PCNX1: variants seen among roughly 807,000 people sequenced by gnomAD.
The protein encoded by PCNX1 is pecanex-like protein 1.
Under a neutral mutation model 242.2 loss-of-function variants are expected in PCNX1, and 78 were observed. The ratio of observed to expected loss-of-function variants is 0.32; its 90% CI spans 0.27 to 0.39. The LOEUF is 0.39. PCNX1 is among the 10% of genes least tolerant of loss of function. The pLI, the probability that PCNX1 is intolerant of heterozygous loss-of-function variation, is 1.00. For synonymous variants in PCNX1, 1,024 were observed against 1,032.9 expected (o/e 0.99, Z 0.17); for missense variants, 2,581 against 2,856.5 (o/e 0.90, Z 2.20).
intron 28 of PCNX1, among the ~76,000 whole-genome samples, chr14:71,085,044 A>G (rs1012892950): frequency 1.3e-5 from 2 of 152,162 alleles, no homozygotes; most frequent in African/African-American, 4.8e-5. Context: ...CTGGGCCAGA[A>G]TGCACTGTTC....
chr14:71,050,213 G>A (rs2060986472), intron 22 of PCNX1, among the ~76,000 whole-genome samples: 1 of 150,538 alleles, frequency 6.6e-6, no homozygotes, highest in Non-Finnish European at 1.5e-5. Flanking sequence ...GGGTACATGT[G>A]CACAATGTGC....
Position 71,109,305 on chromosome 14 carries a change from A to G in PCNX1, c.6745-147A>G, listed in dbSNP as rs2062705442. The G allele has an allele frequency of 5.0e-6, 4 of 800,426 alleles. No homozygotes were observed. In the Admixed American group the frequency reaches 8.7e-5, roughly 17 times the overall value. 49.6% of individuals were successfully genotyped at this position (800,426 alleles called of 1,614,324 possible). A position where few individuals can be genotyped will look rare whatever the true frequency, so the allele number is the denominator to read the frequency against. On this transcript the variant is annotated intron_variant, in intron 34 of 35. Transcript: ENST00000304743. The stretch of plus-strand genomic sequence containing the variant: ...TCTACCAGAGGGCTGAAAAGAATTC[A>G]AGATGTAGCTCTTAAGATTTTTTTT...
In PCNX1 at chr14:71,111,029, T is replaced by C. The variant is rs2062744848; in HGVS notation, c.*1094T>C. On this transcript the variant is annotated 3_prime_UTR_variant, in exon 36 of 36. Transcript: ENST00000304743. ...TAAAAGTATCCAAGTGGTGCAGTTA[T>C]TATTATATCCCTCTTTAATAATTTT... 1 of 151,406 alleles carries C rather than the reference T, an allele frequency of 6.6e-6. No homozygotes were observed. The highest frequency in any genetic ancestry group is 2.4e-5 in the African/African-American group (1 of 41,376). The allele number at this position is 151,406 out of a possible 1,614,324, so 9.4% of individuals were successfully genotyped here. A position where few individuals can be genotyped will look rare whatever the true frequency, so the allele number is the denominator to read the frequency against.
In PCNX1 at chr14:71,029,140, T is replaced by C. The variant is rs559915912; in HGVS notation, c.3558+349T>C. On this transcript the variant is annotated intron_variant, in intron 16 of 35. Transcript: ENST00000304743. ...AGAATTTAACTACTTTTCCTATTAG[T>C]TTTTTTAAACTTATAAAAACAAGTT... Among the ~76,000 whole-genome samples, 3 of 152,170 alleles carry C rather than the reference T, an allele frequency of 2.0e-5. No homozygotes were observed. The East Asian group carries it at 5.8e-4, about 29-fold the overall frequency.
chr14:71,074,800 A>G (rs1033079528), intron 27 of PCNX1, among the ~76,000 whole-genome samples: 1 of 152,120 alleles, frequency 6.6e-6, no homozygotes, highest in African/African-American at 2.4e-5. Flanking sequence ...GTAAAGGCCA[A>G]ACCCCTCGTT....
intron 16 of PCNX1, among the ~76,000 whole-genome samples, chr14:71,029,433 A>T (rs191947574): frequency 6.6e-6 from 1 of 152,274 alleles, no homozygotes; most frequent in East Asian, 1.9e-4. Context: ...TGACTCACAG[A>T]TCCTTCCTTG....
chr14:70,974,401 G>T (rs1214080593), intron 5 of PCNX1, among the ~76,000 whole-genome samples: 1 of 151,868 alleles, frequency 6.6e-6, no homozygotes, highest in African/African-American at 2.4e-5. Context: ...CCAAAGTGCT[G>T]GGATTACAGG....
chr14:71,104,922 CAAA>C (rs76844609), intron 32 of PCNX1, among the ~76,000 whole-genome samples: 2 of 142,876 alleles, frequency 1.4e-5, no homozygotes, highest in Non-Finnish European at 3.1e-5. Context: ...GACTCCGTCT[CAAA>C]AAAAAAAAAA....
intron 1 of PCNX1, among the ~76,000 whole-genome samples, chr14:70,911,769 G>A (rs1473618197): frequency 6.6e-6 from 1 of 152,118 alleles, no homozygotes; most frequent in African/African-American, 2.4e-5. Flanking sequence ...TTTACCTTCA[G>A]AATGGCCTTC....
rs917257953 is a variant in PCNX1 at position 70,988,560 on chromosome 14, G to A, written c.2312-7G>A. The A allele has an allele frequency of 6.2e-7, 1 of 1,613,330 alleles. No individual in the cohort carries two copies. Among genetic ancestry groups the A allele is most frequent in the African/African-American group, 1.3e-5 (1 of 74,904 alleles). ...CTCTTGTTTGACCTAAGTCTGTCTT[G>A]ATGCAGCAGCACAAGCCAGCGAGGA... On this transcript the variant is annotated splice_region_variant and splice_polypyrimidine_tract_variant and intron_variant, in intron 6 of 35. Transcript: ENST00000304743.
intron 28 of PCNX1, among the ~76,000 whole-genome samples, chr14:71,081,020 CTTA>C (rs2061840900): frequency 6.6e-6 from 1 of 152,008 alleles, no homozygotes; most frequent in Non-Finnish European, 1.5e-5. Context: ...ATAAATAGCT[CTTA>C]TTATTTTGAG....
At chr14:71,077,450 A>G (rs1365312900) in intron 28 of PCNX1, among the ~76,000 whole-genome samples, 1 of 152,212 alleles carries the variant, frequency 6.6e-6, no homozygotes, top group Non-Finnish European at 1.5e-5. Context: ...CATACCGACC[A>G]TCTTCACGTT....
chr14:71,010,666 C>T (rs1481594045), intron 9 of PCNX1, among the ~76,000 whole-genome samples: 1 of 152,104 alleles, frequency 6.6e-6, no homozygotes, highest in South Asian at 2.1e-4. Flanking sequence ...TCAAATTGCA[C>T]TTTGAAGCCT....
chr14:71,028,445 C>G (rs1302968383), intron 15 of PCNX1, among the ~76,000 whole-genome samples: 1 of 151,674 alleles, frequency 6.6e-6, no homozygotes, highest in Non-Finnish European at 1.5e-5. Context: ...AAAATTTTTT[C>G]TTGCTACATA....
intron 6 of PCNX1, among the ~76,000 whole-genome samples, chr14:70,981,803 TA>T (rs1347663099): frequency 6.6e-6 from 1 of 152,226 alleles, no homozygotes; most frequent in Non-Finnish European, 1.5e-5. Context: ...TTGGACCGTT[TA>T]AACTTATTTC....
rs1208666079 is a variant in PCNX1 at position 71,112,412 on chromosome 14, TTAGGAACCCTGAG to T, written c.*2478_*2490del. The T allele has an allele frequency of 1.3e-5, 2 of 152,116 alleles. No individual in the cohort carries two copies. The highest frequency in any genetic ancestry group is 1.3e-4 in the Admixed American group (2 of 15,282). 9.4% of individuals were successfully genotyped at this position (152,116 alleles called of 1,614,324 possible). ...TATAATTCTTTAGTGAATTTATAAATTAGGAACCCTGAGAAGAAGCCCTGTTGTTTTTCTTAAG... is the reference window on the plus strand; with the variant it reads ...TATAATTCTTTAGTGAATTTATAAATAAGAAGCCCTGTTGTTTTTCTTAAG... On this transcript the variant is annotated 3_prime_UTR_variant, in exon 36 of 36. Transcript: ENST00000304743.
rs568035761 is a variant in PCNX1, at chr14:70,913,300, G to A, written c.153+5297G>A. On this transcript the variant is annotated intron_variant, in intron 1 of 35. Coordinates refer to ENST00000304743, the MANE Select transcript of PCNX1 (RefSeq NM_014982.3). ...TGTAGAATAGTTGGAGGTGGAGGGA[G>A]GATTGTGGTAGGCTGTATCATATGG... Among the ~76,000 whole-genome samples, 3 of 152,314 alleles carry A rather than the reference G, an allele frequency of 2.0e-5. No homozygotes were observed. In the South Asian group the frequency reaches 6.2e-4, roughly 32 times the overall value.
At chr14:71,053,114 C>T (rs1595382880) in intron 24 of PCNX1, among the ~76,000 whole-genome samples, 1 of 152,050 alleles carries the variant, frequency 6.6e-6, no homozygotes, top group Non-Finnish European at 1.5e-5. Context: ...TTACTCTGGT[C>T]CTTTATCTAA....
chr14:70,966,926 C>A (rs2058397878), intron 3 of PCNX1, among the ~76,000 whole-genome samples: 1 of 151,962 alleles, frequency 6.6e-6, no homozygotes, highest in South Asian at 2.1e-4. Flanking sequence ...TTTTTTCTTG[C>A]TGGCAAATTG....
Sources: gnomAD v4.1 joint callset for allele counts (sites outside exome capture counted in the v4.1 genomes callset) on GRCh38, gnomAD v4.1.1 for gene constraint, MANE v1.5 for transcripts, NCBI Gene and HGNC (gene_info 2026-07-23, HGNC 2026-07-21) for gene names.